The following SMAD3 variants were observed in gnomAD, a reference collection of about 807,000 sequenced individuals.
SMAD3 encodes the protein SMAD family member 3.
In SMAD3, 12 loss-of-function variants were observed where a neutral mutation model predicts 51.8. That is an observed-to-expected ratio of 0.23 (90% confidence interval 0.15 to 0.38). The LOEUF is 0.38. Among genes scored for constraint, SMAD3 ranks in the 10% least tolerant of loss-of-function variants. The probability of loss-of-function intolerance (pLI) is 1.00; values close to 1 mark genes in which losing one functional copy is unlikely to be tolerated. For missense variants in SMAD3, 294 were observed against 565.6 expected, an observed-to-expected ratio of 0.52 and a Z score of 4.87; for synonymous variants, 238 against 227.7, an observed-to-expected ratio of 1.05 and a Z score of -0.41.
chr15:67,093,265 A>C (rs985260900), intron 1 of SMAD3, among the ~76,000 whole-genome samples: 1 of 152,206 alleles, frequency 6.6e-6, no homozygotes, highest in Non-Finnish European at 1.5e-5. Context: ...ATGTTGATGC[A>C]AATCAGGTGC....
intron 5 of SMAD3, among the ~76,000 whole-genome samples, chr15:67,174,975 C>CTCGGAGACCCTGGGACCTGGG (rs1412342416): frequency 2.0e-5 from 3 of 152,180 alleles, no homozygotes; most frequent in Non-Finnish European, 4.4e-5. Context: ...CAGGCAGGCT[C>CTCGGAGACCCTGGGACCTGGG]TCGGAGACCC....
At chr15:67,144,334 CTT>C (rs919359499) in intron 1 of SMAD3, among the ~76,000 whole-genome samples, 7 of 151,752 alleles carry the variant, frequency 4.6e-5, no homozygotes, top group African/African-American at 1.2e-4. Context: ...TTAGTAGTGA[CTT>C]TTTGTGGTTG....
intron 1 of SMAD3, among the ~76,000 whole-genome samples, chr15:67,092,666 G>T (rs1027954810): frequency 2.6e-5 from 4 of 152,336 alleles, no homozygotes; most frequent in African/African-American, 9.6e-5. Flanking sequence ...TAGGAGTGGT[G>T]GAGGGAGTTT....
At chr15:67,089,790 G>C (rs1960472457) in intron 1 of SMAD3, among the ~76,000 whole-genome samples, 1 of 152,240 alleles carries the variant, frequency 6.6e-6, no homozygotes, top group Non-Finnish European at 1.5e-5. Context: ...CTGGAAGTGG[G>C]TGCTAGTCTG....
chr15:67,169,063 G>A (rs1328880093), intron 4 of SMAD3, among the ~76,000 whole-genome samples: 1 of 152,198 alleles, frequency 6.6e-6, no homozygotes, highest in African/African-American at 2.4e-5. Flanking sequence ...CCATGTAGCG[G>A]TCATGGTGTA....
intron 1 of SMAD3, among the ~76,000 whole-genome samples, chr15:67,129,178 G>A (rs1488795017): frequency 6.6e-6 from 1 of 152,176 alleles, no homozygotes; most frequent in African/African-American, 2.4e-5. Flanking sequence ...CTCACTATGG[G>A]AAACATAAAG....
chr15:67,121,831 C>T (rs186300292), intron 1 of SMAD3, among the ~76,000 whole-genome samples: 7 of 152,344 alleles, frequency 4.6e-5, no homozygotes, highest in Admixed American at 4.6e-4. Flanking sequence ...TGTTTTTCCT[C>T]CAGAACTTTG....
At chr15:67,115,118 T>C (rs1961105972) in intron 1 of SMAD3, among the ~76,000 whole-genome samples, 1 of 152,194 alleles carries the variant, frequency 6.6e-6, no homozygotes, top group South Asian at 2.1e-4. Context: ...TCTGGTCCAG[T>C]GCTCTGCCCT....
intron 1 of SMAD3, among the ~76,000 whole-genome samples, chr15:67,149,163 C>T (rs1429258680): frequency 6.6e-6 from 1 of 152,204 alleles, no homozygotes; most frequent in Non-Finnish European, 1.5e-5. Context: ...GGGCTCTGTC[C>T]CCACCTGCAC....
intron 1 of SMAD3, among the ~76,000 whole-genome samples, chr15:67,118,096 A>G (rs1961175999): frequency 6.6e-6 from 1 of 152,228 alleles, no homozygotes; most frequent in African/African-American, 2.4e-5. Flanking sequence ...TGTCTCAAAA[A>G]ATAAAAAAGA....
chr15:67,110,858 T>G (rs1960997810), intron 1 of SMAD3, among the ~76,000 whole-genome samples: 2 of 152,262 alleles, frequency 1.3e-5, no homozygotes, highest in Admixed American at 1.3e-4. Context: ...AGTGTACCCC[T>G]GACCCAGATG....
chr15:67,182,871 GT>G (rs1324241071), intron 6 of SMAD3, among the ~76,000 whole-genome samples: 2 of 150,468 alleles, frequency 1.3e-5, no homozygotes, highest in Non-Finnish European at 3.0e-5. Flanking sequence ...GTCTTGCTAT[GT>G]TGCCCAGGCC....
chr15:67,148,831 A>T (rs1183195702), intron 1 of SMAD3, among the ~76,000 whole-genome samples: 2 of 152,238 alleles, frequency 1.3e-5, no homozygotes, highest in Non-Finnish European at 2.9e-5. Context: ...GCTATCAGCT[A>T]ATAATTCCAT....
chr15:67,184,911 T>C (rs758791398), intron 7 of SMAD3, 47 bp downstream of exon 7: 1 of 1,610,154 alleles, frequency 6.2e-7, no homozygotes, highest in Admixed American at 1.7e-5. Flanking sequence ...CCTCTCCGAG[T>C]GCATGCCTAG....
At chr15:67,093,761 C>T (rs1209229671) in intron 1 of SMAD3, among the ~76,000 whole-genome samples, 3 of 152,338 alleles carry the variant, frequency 2.0e-5, no homozygotes, top group Middle Eastern at 6.8e-3. Context: ...GGTTGGGAGG[C>T]GGTTACCTGA....
Position 67,190,556 on chromosome 15 carries a change from G to C in SMAD3, c.*20G>C. The C allele has an allele frequency of 6.2e-7, 1 of 1,613,622 alleles. No individual in the cohort carries two copies. Among genetic ancestry groups the C allele is most frequent in the Non-Finnish European group, 8.5e-7 (1 of 1,179,756 alleles). ...TCTTAGAGACATCAAGTATGGTAGG[G>C]GAGGGCAGGCTTGGGGAAAATGGCC... On this transcript the variant is annotated 3_prime_UTR_variant, in exon 9 of 9. Transcript: ENST00000327367.
At chr15:67,123,944 A>G (rs576750614) in intron 1 of SMAD3, among the ~76,000 whole-genome samples, 22 of 152,258 alleles carry the variant, frequency 1.4e-4, no homozygotes, top group African/African-American at 5.3e-4. Flanking sequence ...ATCACTGGAA[A>G]ATAGGTTGTT....
intron 1 of SMAD3, among the ~76,000 whole-genome samples, chr15:67,080,733 C>G (rs1456386081): frequency 6.6e-6 from 1 of 152,218 alleles, no homozygotes; most frequent in Admixed American, 6.5e-5. Context: ...TGATTGTGGT[C>G]AGTGCATGGA....
In SMAD3 at chr15:67,187,472, C is replaced by T. The variant is rs863223746; in HGVS notation, c.1117C>T (p.Arg373Cys). The change falls in exon 8 of 9, where the codon CGC (arginine) becomes TGC (cysteine). Residue 373 changes from arginine to cysteine, a missense_variant. Physicochemically the swap from Arg to Cys is radical, Grantham distance 180 (BLOSUM62 -3). Transcript: ENST00000327367. ...VYQLTRMCTI[R>C]MSFVKGWGAE... ...CCAGTTGACCCGAATGTGCACCATCCGCATGAGCTTCGTCAAAGGCTGGGG... is the reference window on the plus strand; with the variant it reads ...CCAGTTGACCCGAATGTGCACCATCTGCATGAGCTTCGTCAAAGGCTGGGG... The T allele has an allele frequency of 6.2e-7, 1 of 1,614,150 alleles. No homozygotes were observed. Among genetic ancestry groups the T allele is most frequent in the South Asian group, 1.1e-5 (1 of 91,076 alleles).
Sources: gnomAD v4.1 joint callset for allele counts (sites outside exome capture counted in the v4.1 genomes callset) on GRCh38, gnomAD v4.1.1 for gene constraint, MANE v1.5 for transcripts, NCBI Gene and HGNC (gene_info 2026-07-23, HGNC 2026-07-21) for gene names.